Variants in RPA3 observed in about 807,000 individuals in gnomAD.
RPA3 encodes the protein replication protein A 14 kDa subunit.
A neutral mutation model predicts 13.7 loss-of-function variants in RPA3; 24 were observed. The ratio of observed to expected loss-of-function variants is 1.75; its 90% CI spans 1.27 to 2.46. RPA3 has a LOEUF of 2.46. RPA3 is among the 30% of genes most tolerant of loss of function. The probability of loss-of-function intolerance (pLI) is 0.00; values close to 1 mark genes in which losing one functional copy is unlikely to be tolerated. For synonymous variants in RPA3, 59 were observed against 51.2 expected, an observed-to-expected ratio of 1.15 and a Z score of -0.65; for missense variants, 183 against 151.0, an observed-to-expected ratio of 1.21 and a Z score of -1.11.
intron 2 of RPA3, among the ~76,000 whole-genome samples, chr7:7,689,616 C>A (rs10262410): frequency 2.2e-4 from 33 of 151,978 alleles, no homozygotes; most frequent in African/African-American, 6.5e-4. Flanking sequence ...TTTTTCATGC[C>A]CAGACTTCAT....
chr7:7,678,146 T>A (rs1779795405), intron 4 of RPA3, among the ~76,000 whole-genome samples: 1 of 151,954 alleles, frequency 6.6e-6, no homozygotes, highest in Non-Finnish European at 1.5e-5. Context: ...GTTTTTAGTT[T>A]TTTTGAGGAA....
intron 4 of RPA3, among the ~76,000 whole-genome samples, chr7:7,668,412 GA>G (rs777182207): frequency 2.0e-5 from 3 of 152,120 alleles, no homozygotes; most frequent in Non-Finnish European, 4.4e-5. Context: ...GAGGGAGAGA[GA>G]GGGGGACCAT....
At chr7:7,658,914 G>A (rs569217615) in intron 4 of RPA3, among the ~76,000 whole-genome samples, 23 of 152,134 alleles carry the variant, frequency 1.5e-4, no homozygotes, top group African/African-American at 5.3e-4. Context: ...GGTAGAATTT[G>A]GCTGTGAATC....
chr7:7,644,725 A>T (rs1023775885), intron 4 of RPA3, among the ~76,000 whole-genome samples: 4 of 151,616 alleles, frequency 2.6e-5, no homozygotes, highest in African/African-American at 9.7e-5. Context: ...CTGAACCACT[A>T]CCTATTTTCT....
At chr7:7,652,361 GT>G (rs1456729165) in intron 4 of RPA3, among the ~76,000 whole-genome samples, 2 of 152,158 alleles carry the variant, frequency 1.3e-5, no homozygotes, top group African/African-American at 2.4e-5. Flanking sequence ...CTGATTTTCA[GT>G]TGATATAGTT....
chr7:7,681,462 G>A (rs1481783039), intron 4 of RPA3, among the ~76,000 whole-genome samples: 1 of 152,056 alleles, frequency 6.6e-6, no homozygotes, highest in Admixed American at 6.6e-5. Context: ...TCCGCATTAA[G>A]ATTTCGAAAG....
At chr7:7,716,112 C>T (rs1780895526) in intron 1 of RPA3, among the ~76,000 whole-genome samples, 1 of 151,920 alleles carries the variant, frequency 6.6e-6, no homozygotes, top group Non-Finnish European at 1.5e-5. Context: ...CAAGCTGTGG[C>T]AGAAAAGGAT....
At chr7:7,716,831 A>G (rs1563150388) in intron 1 of RPA3, among the ~76,000 whole-genome samples, 1 of 152,104 alleles carries the variant, frequency 6.6e-6, no homozygotes, top group Non-Finnish European at 1.5e-5. Context: ...CCATAATCCC[A>G]GCTACTCGGG....
At chr7:7,667,906 C>T (rs1026333377) in intron 4 of RPA3, among the ~76,000 whole-genome samples, 1 of 152,138 alleles carries the variant, frequency 6.6e-6, no homozygotes, top group Non-Finnish European at 1.5e-5. Flanking sequence ...TGGACCAATA[C>T]TTAACCTAGT....
chr7:7,654,446 C>T (rs1378156333), intron 4 of RPA3, among the ~76,000 whole-genome samples: 2 of 152,188 alleles, frequency 1.3e-5, no homozygotes, highest in Non-Finnish European at 2.9e-5. Flanking sequence ...CCTTCGGTAT[C>T]CCTAGGGGAT....
At chr7:7,712,934 C>T (rs960765288) in intron 2 of RPA3, among the ~76,000 whole-genome samples, 1 of 152,036 alleles carries the variant, frequency 6.6e-6, no homozygotes, top group African/African-American at 2.4e-5. Flanking sequence ...ATCTTGGCCT[C>T]GTGTTTCTTT....
At chr7:7,676,306 T>C in intron 4 of RPA3, 1 of 395,024 alleles carries the variant, frequency 2.5e-6, no homozygotes, top group Non-Finnish European at 4.5e-6. Flanking sequence ...AATGAGTTAA[T>C]GTGTGTAAAA....
At chr7:7,704,039 G>C (rs1157717755) in intron 2 of RPA3, among the ~76,000 whole-genome samples, 1 of 152,146 alleles carries the variant, frequency 6.6e-6, no homozygotes, top group East Asian at 1.9e-4. Flanking sequence ...AGTTCTCAAG[G>C]AGATACTTTG....
At chr7:7,694,488 A>G (rs982737893) in intron 2 of RPA3, among the ~76,000 whole-genome samples, 2 of 152,024 alleles carry the variant, frequency 1.3e-5, no homozygotes, top group Non-Finnish European at 2.9e-5. Flanking sequence ...GTATCAAACT[A>G]TGTATTTTTG....
chr7:7,650,655 A>G (rs1397532015), intron 4 of RPA3, among the ~76,000 whole-genome samples: 11 of 152,244 alleles, frequency 7.2e-5, no homozygotes, highest in Admixed American at 7.2e-4. Context: ...AAGTAAAACA[A>G]AGTTTAAGCT....
At chr7:7,710,017 A>G (rs1186321976) in intron 2 of RPA3, among the ~76,000 whole-genome samples, 1 of 152,170 alleles carries the variant, frequency 6.6e-6, no homozygotes, top group Non-Finnish European at 1.5e-5. Flanking sequence ...TTACAACCAT[A>G]TATAAATCGA....
chr7:7,711,510 A>G (rs944988146), intron 2 of RPA3, among the ~76,000 whole-genome samples: 1 of 152,176 alleles, frequency 6.6e-6, no homozygotes, highest in African/African-American at 2.4e-5. Flanking sequence ...TATCCTTTTT[A>G]ACATGTAATA....
chr7:7,667,997 AC>A (rs369329931), intron 4 of RPA3, among the ~76,000 whole-genome samples: 110 of 151,360 alleles, frequency 7.3e-4, no homozygotes, highest in African/African-American at 2.6e-3. Flanking sequence ...GCTCACTTTC[AC>A]CCCCGCCTTC....
At chr7:7,713,043 A>G (rs369512287) in intron 2 of RPA3, among the ~76,000 whole-genome samples, 1 of 152,118 alleles carries the variant, frequency 6.6e-6, no homozygotes, top group African/African-American at 2.4e-5. Flanking sequence ...TTGCTCATTC[A>G]AAAAATATTC....
Sources: gnomAD v4.1 joint callset for allele counts (sites outside exome capture counted in the v4.1 genomes callset) on GRCh38, gnomAD v4.1.1 for gene constraint, MANE v1.5 for transcripts, NCBI Gene and HGNC (gene_info 2026-07-23, HGNC 2026-07-21) for gene names.